The following SRL variants were observed in gnomAD, a reference collection of about 807,000 sequenced individuals.
SRL encodes sarcalumenin.
A neutral mutation model predicts 39.5 loss-of-function variants in SRL; 23 were observed. That is an observed-to-expected ratio of 0.58 (90% CI 0.42 to 0.82). The LOEUF (loss-of-function observed/expected upper bound fraction) is 0.82. Among genes scored for constraint, SRL ranks in the 40% least tolerant of loss-of-function variants. The pLI is 0.00. For missense variants in SRL, 592 were observed against 607.8 expected, an observed-to-expected ratio of 0.97 and a Z score of 0.27; for synonymous variants, 272 against 237.4, an observed-to-expected ratio of 1.15 and a Z score of -1.34.
rs141416021 is a variant in SRL, at chr16:4,199,977, G to A, written c.260-2062C>T. On this transcript the variant is annotated intron_variant, in intron 3 of 5. Coordinates refer to ENST00000399609, the MANE Select transcript of SRL (RefSeq NM_001098814.2). ...TTCCCAAAGTGCTGGGATTACAGGC[G>A]TGAGCCCCCACACCCGGCCCCATCT... Among the ~76,000 whole-genome samples, 6 of 148,672 alleles carry A rather than the reference G, an allele frequency of 4.0e-5. No individual in the cohort carries two copies. The East Asian group carries it at 1.2e-3, about 29-fold the overall frequency.
chr16:4,194,091 C>T (rs2052102551), intron 5 of SRL, among the ~76,000 whole-genome samples: 1 of 152,196 alleles, frequency 6.6e-6, no homozygotes, highest in Non-Finnish European at 1.5e-5. Context: ...TCCTGCACTG[C>T]CCTGTTCAGG....
At chr16:4,220,463 C>T (rs1041165576) in intron 1 of SRL, among the ~76,000 whole-genome samples, 17 of 151,894 alleles carry the variant, frequency 1.1e-4, no homozygotes, top group African/African-American at 4.1e-4. Flanking sequence ...AAAACACACA[C>T]ACATCTCATG....
intron 1 of SRL, among the ~76,000 whole-genome samples, chr16:4,211,952 G>C (rs1382267009): frequency 6.6e-6 from 1 of 152,152 alleles, no homozygotes; most frequent in Non-Finnish European, 1.5e-5. Flanking sequence ...CTCTAGGTCT[G>C]ATGTCCTATA....
At chr16:4,216,917 C>T (rs558652120) in intron 1 of SRL, among the ~76,000 whole-genome samples, 16 of 152,308 alleles carry the variant, frequency 1.1e-4, no homozygotes, top group Admixed American at 3.9e-4. Flanking sequence ...TTTTGGGCCC[C>T]AGACAGGAAA....
chr16:4,235,496 G>C (rs2052705141), intron 1 of SRL, among the ~76,000 whole-genome samples: 1 of 152,192 alleles, frequency 6.6e-6, no homozygotes, highest in African/African-American at 2.4e-5. Flanking sequence ...AGGAGTTTGA[G>C]ACCAGCCTGA....
chr16:4,226,819 G>A (rs962466097), intron 1 of SRL, among the ~76,000 whole-genome samples: 6 of 151,026 alleles, frequency 4.0e-5, no homozygotes, highest in Non-Finnish European at 8.9e-5. Context: ...ATGGATGGAA[G>A]AATGGACGGA....
intron 1 of SRL, among the ~76,000 whole-genome samples, chr16:4,218,577 T>C (rs2052487328): frequency 2.0e-5 from 3 of 152,188 alleles, no homozygotes; most frequent in Admixed American, 2.0e-4. Context: ...AAATCACAGC[T>C]GATGTCTCCA....
intron 1 of SRL, among the ~76,000 whole-genome samples, chr16:4,230,615 C>T (rs1011842484): frequency 1.3e-5 from 2 of 151,788 alleles, no homozygotes; most frequent in African/African-American, 2.4e-5. Flanking sequence ...TCTTGAACTC[C>T]CGACCTCGTG....
Position 4,204,640 on chromosome 16 carries a change from G to C in SRL, c.62-6C>G. 6.2e-7 allele frequency: 1 copy of C among 1,612,542 alleles called. No individual in the cohort carries two copies. The highest frequency in any genetic ancestry group is 1.3e-5 in the African/African-American group (1 of 75,008). On this transcript the variant is annotated splice_region_variant and splice_polypyrimidine_tract_variant and intron_variant, in intron 1 of 5. Transcript: ENST00000399609. ...ATTTGCATCCTCCGTCTCTTCTGTG[G>C]AGAGAAGCAGACAGCCAAGTGAGAG...
At chr16:4,229,008 A>G (rs75275467) in intron 1 of SRL, among the ~76,000 whole-genome samples, 8,421 of 152,152 alleles carry the variant, frequency 0.055, 788 homozygotes, top group African/African-American at 0.19. Flanking sequence ...AACATTCAAG[A>G]AGGTTCCACA....
chr16:4,232,773 A>G (rs1196905223), intron 1 of SRL, among the ~76,000 whole-genome samples: 1 of 152,158 alleles, frequency 6.6e-6, no homozygotes, highest in East Asian at 1.9e-4. Context: ...CAACCTCCCA[A>G]AGTGCTGGGA....
intron 1 of SRL, among the ~76,000 whole-genome samples, chr16:4,237,439 G>T (rs2052725024): frequency 1.3e-5 from 2 of 152,016 alleles, no homozygotes; most frequent in African/African-American, 4.8e-5. Context: ...CCCTCGCCCA[G>T]GTCCACACTC....
chr16:4,197,573 C>T (rs1328881063), intron 4 of SRL, among the ~76,000 whole-genome samples: 1 of 151,860 alleles, frequency 6.6e-6, no homozygotes, highest in East Asian at 1.9e-4. Context: ...AGGAACGTGT[C>T]ACCATGCTTA....
intron 4 of SRL, among the ~76,000 whole-genome samples, chr16:4,197,236 T>C (rs2052161445): frequency 6.6e-6 from 1 of 150,876 alleles, no homozygotes; most frequent in African/African-American, 2.4e-5. Flanking sequence ...ACCCAGCTAA[T>C]TTTTTGTATT....
intron 4 of SRL, among the ~76,000 whole-genome samples, 174 bp from the exon 5 acceptor site, chr16:4,195,960 T>C (rs2141023233): frequency 6.6e-6 from 1 of 152,190 alleles, no homozygotes; most frequent in South Asian, 2.1e-4. Flanking sequence ...AACATAAAAT[T>C]TACCTTTTTT....
At chr16:4,224,436 T>G (rs538496713) in intron 1 of SRL, among the ~76,000 whole-genome samples, 2 of 152,106 alleles carry the variant, frequency 1.3e-5, no homozygotes, top group African/African-American at 4.8e-5. Flanking sequence ...CCAGGCACGG[T>G]GGTTCATGCC....
intron 1 of SRL, chr16:4,207,074 C>A (rs1404411606): frequency 8.8e-6 from 4 of 453,526 alleles, no homozygotes; most frequent in Non-Finnish European, 1.8e-5. Context: ...CCTGGGGCTC[C>A]CTGGCTTCCT....
intron 2 of SRL, 59 bp from the exon 3 acceptor site, chr16:4,203,320 C>T: frequency 6.7e-7 from 1 of 1,482,712 alleles, no homozygotes; most frequent in Non-Finnish European, 9.4e-7. Context: ...GGCAGCTCCT[C>T]CATTGTGGAG....
At chr16:4,197,090 A>T (rs1320212979) in intron 4 of SRL, among the ~76,000 whole-genome samples, 1 of 78,922 alleles carries the variant, frequency 1.3e-5, no homozygotes, top group Non-Finnish European at 2.2e-5. Context: ...TTTTTGTGAG[A>T]CAGAGTCTCA....
Sources: gnomAD v4.1 joint callset for allele counts (sites outside exome capture counted in the v4.1 genomes callset) on GRCh38, gnomAD v4.1.1 for gene constraint, MANE v1.5 for transcripts, NCBI Gene and HGNC (gene_info 2026-07-23, HGNC 2026-07-21) for gene names.